Variants in SNTG1 observed in about 807,000 individuals in gnomAD.
The protein encoded by SNTG1 is syntrophin gamma 1.
Under a neutral mutation model 74.7 loss-of-function variants are expected in SNTG1, and 39 were observed. The ratio of observed to expected loss-of-function variants is 0.52; its 90% CI spans 0.40 to 0.68. SNTG1 has a LOEUF of 0.68. SNTG1 is among the 30% of genes least tolerant of loss of function. The pLI, the probability that SNTG1 is intolerant of heterozygous loss-of-function variation, is 0.00. For synonymous variants in SNTG1, 254 were observed against 217.1 expected (o/e 1.17, Z -1.49); for missense variants, 685 against 609.5 (o/e 1.12, Z -1.30).
chr8:49,999,393 C>T lies in SNTG1; in HGVS notation c.-103+87162C>T, dbSNP rs113014379. Among the ~76,000 whole-genome samples, 11 of 152,268 alleles carry T rather than the reference C, an allele frequency of 7.2e-5. 1 individual carries two copies. Among genetic ancestry groups the T allele is most frequent in the African/African-American group, 2.4e-4 (10 of 41,556 alleles). On this transcript the variant is annotated intron_variant, in intron 1 of 18. Transcript: ENST00000642720. ...GTGAGTACGGTCTTCTGCCTGGAAG[C>T]AGAGTGTTTCCTCATCTGTCATTAT...
chr8:50,297,225 G>T (rs2089427379), intron 2 of SNTG1, among the ~76,000 whole-genome samples: 1 of 152,136 alleles, frequency 6.6e-6, no homozygotes, highest in African/African-American at 2.4e-5. Context: ...ATGCCAGAAA[G>T]CATAGATAGT....
At chr8:50,444,161 A>G (rs1473381156) in intron 5 of SNTG1, among the ~76,000 whole-genome samples, 2 of 152,116 alleles carry the variant, frequency 1.3e-5, no homozygotes, top group Non-Finnish European at 2.9e-5. Flanking sequence ...ATAAAATAAA[A>G]TAAAACAAAA....
intron 2 of SNTG1, among the ~76,000 whole-genome samples, chr8:50,346,405 T>C (rs2091478781): frequency 6.6e-6 from 1 of 151,210 alleles, no homozygotes; most frequent in East Asian, 1.9e-4. Flanking sequence ...ATGTAGTGTG[T>C]CTGCTCCACC....
At chr8:50,417,970 TC>T (rs35421643) in intron 4 of SNTG1, among the ~76,000 whole-genome samples, 23,863 of 152,070 alleles carry the variant, frequency 0.16, 2,315 homozygotes, top group Middle Eastern at 0.26. Flanking sequence ...TTTGATTGCA[TC>T]ATCAAATGCT....
chr8:50,061,979 C>G (rs1820513143), intron 1 of SNTG1, among the ~76,000 whole-genome samples: 1 of 152,004 alleles, frequency 6.6e-6, no homozygotes. Flanking sequence ...TTCACATCTT[C>G]CATATCCTTG....
chr8:50,391,816 G>A (rs2092665783), intron 2 of SNTG1, among the ~76,000 whole-genome samples: 1 of 152,034 alleles, frequency 6.6e-6, no homozygotes, highest in Admixed American at 6.6e-5. Context: ...TATGTGTTGA[G>A]TAAAATGGCA....
chr8:50,493,690 T>C (rs2093878472), intron 8 of SNTG1, among the ~76,000 whole-genome samples: 1 of 151,392 alleles, frequency 6.6e-6, no homozygotes, highest in African/African-American at 2.4e-5. Flanking sequence ...TGTATATAAG[T>C]GTATAATTTT....
rs187097866 is a variant in SNTG1, at chr8:49,987,631, T to C, written c.-103+75400T>C. 2.0e-3 allele frequency among the ~76,000 whole-genome samples: 294 copies of C among 149,370 alleles called. 1 individual carries two copies. Among genetic ancestry groups the C allele is most frequent in the African/African-American group, 7.0e-3 (285 of 40,828 alleles). Reference sequence around the variant, plus strand: ...GGTGCAAAAGTAATTGTGGATTTTTTCCTTTAATTAAATTAACCTTTTTTT... The same window carrying C: ...GGTGCAAAAGTAATTGTGGATTTTTCCCTTTAATTAAATTAACCTTTTTTT... On this transcript the variant is annotated intron_variant, in intron 1 of 18. Coordinates refer to ENST00000642720, the MANE Select transcript of SNTG1 (RefSeq NM_018967.5).
At chr8:50,612,637 T>C (rs2130994752) in intron 13 of SNTG1, among the ~76,000 whole-genome samples, 1 of 152,320 alleles carries the variant, frequency 6.6e-6, no homozygotes, top group East Asian at 1.9e-4. Flanking sequence ...CTACTATGCC[T>C]ATGACGTTAA....
At chr8:50,361,074 A>T (rs1465072492) in intron 2 of SNTG1, among the ~76,000 whole-genome samples, 1 of 152,150 alleles carries the variant, frequency 6.6e-6, no homozygotes, top group Admixed American at 6.5e-5. Flanking sequence ...ACTGTACAAA[A>T]ATATTTTCTT....
At chr8:50,747,954 G>C (rs1486132277) in intron 17 of SNTG1, 1 of 149,696 alleles carries the variant, frequency 6.7e-6, no homozygotes, top group Non-Finnish European at 1.5e-5. Flanking sequence ...AGCTGTGTAA[G>C]ACACAATTTT....
At chr8:50,660,167 CA>C (rs1372560478) in intron 15 of SNTG1, among the ~76,000 whole-genome samples, 1 of 145,258 alleles carries the variant, frequency 6.9e-6, no homozygotes, top group African/African-American at 2.6e-5. Context: ...GAAAGCTACT[CA>C]TGTAATTAGG....
chr8:49,974,190 G>A (rs1439679308), intron 1 of SNTG1, among the ~76,000 whole-genome samples: 2 of 152,092 alleles, frequency 1.3e-5, no homozygotes, highest in South Asian at 2.1e-4. Flanking sequence ...ACATAGTAAC[G>A]ATAGCCCGAT....
intron 1 of SNTG1, among the ~76,000 whole-genome samples, chr8:49,960,753 G>T (rs1279394803): frequency 2.0e-5 from 3 of 152,094 alleles, no homozygotes; most frequent in African/African-American, 7.2e-5. Context: ...CAACTCTGTG[G>T]TGCCACTCAA....
intron 5 of SNTG1, among the ~76,000 whole-genome samples, chr8:50,448,733 T>C (rs902508292): frequency 6.6e-6 from 1 of 152,114 alleles, no homozygotes; most frequent in Non-Finnish European, 1.5e-5. Context: ...TTTAGTCAAC[T>C]AATAAATAGT....
At chr8:50,568,323 C>A (rs1027396135) in intron 12 of SNTG1, among the ~76,000 whole-genome samples, 11 of 151,468 alleles carry the variant, frequency 7.3e-5, no homozygotes, top group African/African-American at 2.2e-4. Flanking sequence ...GTACAGATAT[C>A]TCTTGGATAA....
At chr8:49,982,705 C>T (rs554510796) in intron 1 of SNTG1, among the ~76,000 whole-genome samples, 1 of 150,534 alleles carries the variant, frequency 6.6e-6, no homozygotes, top group Non-Finnish European at 1.5e-5. Context: ...CCTTAACTTG[C>T]ATTTATCTTT....
At chr8:49,921,933 C>T (rs567124564) in intron 1 of SNTG1, among the ~76,000 whole-genome samples, 1 of 152,254 alleles carries the variant, frequency 6.6e-6, no homozygotes, top group South Asian at 2.1e-4. Flanking sequence ...ACTTGAAAGG[C>T]TGACATCCAT....
At chr8:50,378,291 C>G (rs946890951) in intron 2 of SNTG1, among the ~76,000 whole-genome samples, 7 of 152,168 alleles carry the variant, frequency 4.6e-5, no homozygotes, top group African/African-American at 1.4e-4. Flanking sequence ...ACAGTGGCAC[C>G]CAGAAGTTTG....
Sources: gnomAD v4.1 joint callset for allele counts (sites outside exome capture counted in the v4.1 genomes callset) on GRCh38, gnomAD v4.1.1 for gene constraint, MANE v1.5 for transcripts, NCBI Gene and HGNC (gene_info 2026-07-23, HGNC 2026-07-21) for gene names.